The following POU6F2 variants were observed in gnomAD, a reference collection of about 807,000 sequenced individuals.
The protein encoded by POU6F2 is POU domain, class 6, transcription factor 2.
Under a neutral mutation model 71.3 loss-of-function variants are expected in POU6F2, and 31 were observed. The ratio of observed to expected loss-of-function variants is 0.43; its 90% CI spans 0.33 to 0.59. The LOEUF (loss-of-function observed/expected upper bound fraction) is 0.59, where lower values mean the gene tolerates loss of function less well. POU6F2 is among the 20% of genes least tolerant of loss of function. POU6F2 has a pLI of 0.04. For missense variants in POU6F2, 783 were observed against 856.8 expected (o/e 0.91, Z 1.07); for synonymous variants, 347 against 355.7 (o/e 0.98, Z 0.27).
chr7:39,317,310 G>C (rs1323812903), intron 4 of POU6F2, among the ~76,000 whole-genome samples: 1 of 152,196 alleles, frequency 6.6e-6, no homozygotes, highest in African/African-American at 2.4e-5. Context: ...CCGATGGCTT[G>C]TAAAAAGCCA....
At chr7:39,451,043 G>C (rs1788648273) in intron 7 of POU6F2, among the ~76,000 whole-genome samples, 2 of 152,114 alleles carry the variant, frequency 1.3e-5, no homozygotes, top group Middle Eastern at 3.2e-3. Context: ...GTCTGTAAGA[G>C]GAGGAAGTTC....
intron 1 of POU6F2, among the ~76,000 whole-genome samples, chr7:39,015,551 T>TA: frequency 1.6e-5 from 1 of 62,818 alleles, no homozygotes; most frequent in Non-Finnish European, 3.2e-5. Flanking sequence ...ATATCTATGT[T>TA]TTATATAGAT....
chr7:39,137,068 A>G (rs1584561953), intron 2 of POU6F2, among the ~76,000 whole-genome samples: 1 of 151,874 alleles, frequency 6.6e-6, no homozygotes, highest in Non-Finnish European at 1.5e-5. Flanking sequence ...TGTTAACAGA[A>G]GCACTAAAAC....
intron 1 of POU6F2, among the ~76,000 whole-genome samples, chr7:39,003,926 A>T (rs1788985021): frequency 6.6e-6 from 1 of 152,220 alleles, no homozygotes; most frequent in Admixed American, 6.5e-5. Flanking sequence ...AAGTGTAGAA[A>T]AAAAGACCAT....
Position 39,104,311 on chromosome 7 carries a change from G to A in POU6F2, c.277+18280G>A, listed in dbSNP as rs577075685. 2.0e-5 allele frequency among the ~76,000 whole-genome samples: 3 copies of A among 152,328 alleles called. No individual in the cohort carries two copies. In the South Asian group the frequency reaches 6.2e-4, roughly 32 times the overall value. ...TTTTGCTTACAAATCTTCAATTTTGGCAAGCCTGGTAGAGATAGTGCATTT... is the reference window on the plus strand; with the variant it reads ...TTTTGCTTACAAATCTTCAATTTTGACAAGCCTGGTAGAGATAGTGCATTT... On this transcript the variant is annotated intron_variant, in intron 2 of 9. Coordinates refer to ENST00000518318, the MANE Select transcript of POU6F2 (RefSeq NM_001370959.1).
In POU6F2 at chr7:39,092,973, T is replaced by G. The variant is rs148681893; in HGVS notation, c.277+6942T>G. On this transcript the variant is annotated intron_variant, in intron 2 of 9. Coordinates refer to ENST00000518318, the MANE Select transcript of POU6F2 (RefSeq NM_001370959.1). ...CAAGATGCATACCCCCAAGATCGCTTCTTAATAATTAGCTTCCACTTTAAA... is the reference window on the plus strand; with the variant it reads ...CAAGATGCATACCCCCAAGATCGCTGCTTAATAATTAGCTTCCACTTTAAA... Among the ~76,000 whole-genome samples, 302 of 152,288 alleles carry G rather than the reference T, an allele frequency of 2.0e-3. 1 individual carries two copies. Among genetic ancestry groups the G allele is most frequent in the African/African-American group, 7.1e-3 (294 of 41,566 alleles).
At chr7:39,413,892 T>C (rs2115926739) in intron 6 of POU6F2, among the ~76,000 whole-genome samples, 1 of 152,340 alleles carries the variant, frequency 6.6e-6, no homozygotes, top group Non-Finnish European at 1.5e-5. Context: ...AACAGTTGCA[T>C]TAATGCCGTT....
chr7:39,356,642 A>G (rs528121943), intron 5 of POU6F2, among the ~76,000 whole-genome samples: 8 of 152,322 alleles, frequency 5.3e-5, no homozygotes, highest in East Asian at 1.9e-4. Flanking sequence ...TGATTTAACA[A>G]TTATTCATGT....
intron 2 of POU6F2, among the ~76,000 whole-genome samples, chr7:39,136,552 A>G (rs1163078761): frequency 6.6e-6 from 1 of 152,234 alleles, no homozygotes; most frequent in East Asian, 1.9e-4. Context: ...TAAGTTTAGT[A>G]CACATTTGTA....
chr7:39,057,295 T>A (rs892222568), intron 1 of POU6F2, among the ~76,000 whole-genome samples: 1 of 152,146 alleles, frequency 6.6e-6, no homozygotes. Flanking sequence ...AAACCAAATA[T>A]AACAATTTTT....
chr7:39,336,319 C>A (rs181227140), intron 4 of POU6F2, among the ~76,000 whole-genome samples: 3 of 152,170 alleles, frequency 2.0e-5, no homozygotes, highest in African/African-American at 7.2e-5. Context: ...TCCCTTCCAC[C>A]TTCAGAGCCT....
intron 1 of POU6F2, among the ~76,000 whole-genome samples, chr7:39,028,901 C>T (rs910385549): frequency 6.6e-6 from 1 of 152,054 alleles, no homozygotes; most frequent in African/African-American, 2.4e-5. Context: ...AACTCCCAGG[C>T]TCAAGCAATC....
chr7:39,197,266 C>T (rs1793807251), intron 2 of POU6F2, among the ~76,000 whole-genome samples: 1 of 152,106 alleles, frequency 6.6e-6, no homozygotes, highest in South Asian at 2.1e-4. Flanking sequence ...GTCATATGCT[C>T]AGCATGCAAC....
At chr7:39,095,595 T>C (rs1791438992) in intron 2 of POU6F2, among the ~76,000 whole-genome samples, 1 of 152,180 alleles carries the variant, frequency 6.6e-6, no homozygotes, top group Non-Finnish European at 1.5e-5. Context: ...TATGGTCCTT[T>C]TGAGAATTCT....
Position 38,995,590 on chromosome 7 carries a change from A to G in POU6F2, c.105+17532A>G, listed in dbSNP as rs16879986. On this transcript the variant is annotated intron_variant, in intron 1 of 9. Coordinates refer to ENST00000518318, the MANE Select transcript of POU6F2 (RefSeq NM_001370959.1). ...GTCCTTGTAGAATTATAAGGTCCCAATGAATAATTTTTTATTAGCTACTTG... is the reference window on the plus strand; with the variant it reads ...GTCCTTGTAGAATTATAAGGTCCCAGTGAATAATTTTTTATTAGCTACTTG... Among the ~76,000 whole-genome samples the G allele has an allele frequency of 4.4e-3, 677 of 152,322 alleles. 2 individuals are homozygous for G. Among genetic ancestry groups the G allele is most frequent in the African/African-American group, 0.015 (635 of 41,570 alleles).
intron 3 of POU6F2, among the ~76,000 whole-genome samples, chr7:39,205,102 C>T (rs1267604913): frequency 6.6e-6 from 1 of 151,734 alleles, no homozygotes; most frequent in Admixed American, 6.6e-5. Context: ...CATTCTTATT[C>T]CACTCGCCAC....
intron 5 of POU6F2, among the ~76,000 whole-genome samples, chr7:39,343,268 G>C (rs1452100535): frequency 1.3e-5 from 2 of 152,198 alleles, no homozygotes; most frequent in South Asian, 4.1e-4. Context: ...CCAGGATGGA[G>C]AGCAGTCCAT....
chr7:39,224,246 A>C lies in POU6F2; in HGVS notation c.598+16626A>C, dbSNP rs150011342. On this transcript the variant is annotated intron_variant, in intron 4 of 9. Transcript: ENST00000518318. ...AATGAATGGGTCATAAAATAACATT[A>C]ATTTTTTGGCCAACTTCCAGCCAGA... Among the ~76,000 whole-genome samples the C allele has an allele frequency of 9.2e-5, 14 of 152,278 alleles. No individual in the cohort carries two copies. In the East Asian group the frequency reaches 2.1e-3, roughly 23 times the overall value.
At chr7:39,112,858 A>G (rs1791848352) in intron 2 of POU6F2, among the ~76,000 whole-genome samples, 1 of 152,164 alleles carries the variant, frequency 6.6e-6, no homozygotes, top group Non-Finnish European at 1.5e-5. Flanking sequence ...CAGAGAAAAG[A>G]TACTGCCATC....
Sources: gnomAD v4.1 joint callset for allele counts (sites outside exome capture counted in the v4.1 genomes callset) on GRCh38, gnomAD v4.1.1 for gene constraint, MANE v1.5 for transcripts, NCBI Gene and HGNC (gene_info 2026-07-23, HGNC 2026-07-21) for gene names.